HSPA4: variants seen among roughly 807,000 people sequenced by gnomAD.
HSPA4 encodes the protein heat shock protein family A (Hsp70) member 4, also known as heat shock 70 kDa protein 4.
In HSPA4, 25 loss-of-function variants were observed where a neutral mutation model predicts 106.2. The ratio of observed to expected loss-of-function variants is 0.24; its 90% CI spans 0.17 to 0.33. HSPA4 has a LOEUF of 0.33. Among genes scored for constraint, HSPA4 ranks in the 10% least tolerant of loss-of-function variants. HSPA4 has a pLI of 1.00. For missense variants in HSPA4, 841 were observed against 996.0 expected, an observed-to-expected ratio of 0.84 and a Z score of 2.10; for synonymous variants, 332 against 333.6, an observed-to-expected ratio of 1.00 and a Z score of 0.05.
intron 6 of HSPA4, chr5:133,076,147 A>G (rs1449631666): frequency 1.9e-5 from 3 of 153,978 alleles, no homozygotes; most frequent in Non-Finnish European, 4.3e-5. Flanking sequence ...ACCCAGGCTA[A>G]TTAGACTTCC....
chr5:133,070,906 G>GA (rs11285757), intron 4 of HSPA4, among the ~76,000 whole-genome samples: 9 of 150,514 alleles, frequency 6.0e-5, no homozygotes, highest in East Asian at 2.0e-4. Flanking sequence ...CTGTTTCAAA[G>GA]AAAAAAAAAA....
At position 133,052,292 on chromosome 5, in the gene HSPA4, C is replaced by T. The variant is rs769917308; in HGVS notation, c.42C>T (p.Tyr14=). 9 of 1,597,362 alleles carry T rather than the reference C, an allele frequency of 5.6e-6. No homozygotes were observed. In the Admixed American group the frequency reaches 8.5e-5, roughly 15 times the overall value. The change falls in exon 1 of 19, where the codon TAC becomes TAT. Residue 14 remains tyrosine, a synonymous_variant. Coordinates refer to ENST00000304858, the MANE Select transcript of HSPA4 (RefSeq NM_002154.4). ...TAGACCTGGGCTTCCAGAGCTGCTA[C>T]GTCGCTGTGGCCCGCGCCGGCGGCA... ...VGIDLGFQSC[Y]VAVARAGGIE... is the part of the protein sequence containing the mutation.
intron 1 of HSPA4, among the ~76,000 whole-genome samples, chr5:133,053,877 C>T (rs1449097922): frequency 6.6e-6 from 1 of 151,886 alleles, no homozygotes; most frequent in Non-Finnish European, 1.5e-5. Context: ...CCAGGCTGGT[C>T]TCGAACTCCT....
intron 7 of HSPA4, among the ~76,000 whole-genome samples, chr5:133,086,000 T>C (rs1765574124): frequency 6.6e-6 from 1 of 152,208 alleles, no homozygotes; most frequent in South Asian, 2.1e-4. Context: ...GGGATTCTTG[T>C]TATGTTCATT....
chr5:133,090,941 T>C, intron 11 of HSPA4: 1 of 497,438 alleles, frequency 2.0e-6, no homozygotes, highest in South Asian at 2.0e-5. Context: ...AATAAGAAAT[T>C]GGAAGAAAGG....
chr5:133,060,891 C>T (rs1222150028), intron 1 of HSPA4, among the ~76,000 whole-genome samples: 2 of 143,066 alleles, frequency 1.4e-5, no homozygotes, highest in African/African-American at 5.3e-5. Flanking sequence ...ATGATTTTAG[C>T]TCACTGCAAC....
intron 17 of HSPA4, among the ~76,000 whole-genome samples, chr5:133,103,128 C>A (rs901649370): frequency 1.3e-5 from 2 of 151,476 alleles, no homozygotes; most frequent in African/African-American, 4.9e-5. Context: ...GTGGTGTGAT[C>A]GTAGTTCACT....
chr5:133,055,644 A>G lies in HSPA4; in HGVS notation c.107+3287A>G, dbSNP rs116681163. On this transcript the variant is annotated intron_variant, in intron 1 of 18. Coordinates refer to ENST00000304858, the MANE Select transcript of HSPA4 (RefSeq NM_002154.4). ...CTGGAGGTACTGTGGTGAACAAATA[A>G]GGTCATGCCATTATGGACATGGCTG... Among the ~76,000 whole-genome samples, 588 of 152,292 alleles carry G rather than the reference A, an allele frequency of 3.9e-3. 3 individuals carry two copies. The highest frequency in any genetic ancestry group is 0.013 in the African/African-American group (559 of 41,560).
chr5:133,093,650 C>T (rs1390275118), intron 13 of HSPA4, among the ~76,000 whole-genome samples: 1 of 151,916 alleles, frequency 6.6e-6, no homozygotes, highest in East Asian at 2.0e-4. Context: ...ACCATCACGC[C>T]CGGATAATTT....
intron 2 of HSPA4, 89 bp from the exon 3 acceptor site, chr5:133,067,328 G>T: frequency 2.6e-6 from 3 of 1,160,194 alleles, no homozygotes; most frequent in Non-Finnish European, 2.5e-6. Flanking sequence ...TCTATATAAA[G>T]TTAAAATGTT....
In HSPA4 at chr5:133,088,482, G is replaced by A; in HGVS notation, c.1064G>A (p.Ser355Asn). The change falls in exon 9 of 19, where the codon AGC (serine) becomes AAC (asparagine). Residue 355 changes from serine to asparagine, a missense_variant. Transcript: ENST00000304858. ...TRIPAVKEKISKFFGKELSTT... is the reference protein window; with the variant it reads ...TRIPAVKEKINKFFGKELSTT... ...ATCCCTGCGGTAAAAGAGAAGATCA[G>A]CAAATTTTTCGGTAAAGAACTTAGT... is the stretch of plus-strand genomic sequence containing the variant. 1.2e-6 allele frequency: 2 copies of A among 1,613,664 alleles called. No homozygotes were observed. Among genetic ancestry groups the A allele is most frequent in the Non-Finnish European group, 1.7e-6 (2 of 1,179,574 alleles).
chr5:133,101,359 G>A (rs1765783136), intron 16 of HSPA4, among the ~76,000 whole-genome samples: 2 of 152,100 alleles, frequency 1.3e-5, no homozygotes, highest in Admixed American at 1.3e-4. Context: ...CACCTCCCTG[G>A]TGGTATTTAA....
At chr5:133,061,413 C>T (rs1226303439) in intron 1 of HSPA4, among the ~76,000 whole-genome samples, 1 of 141,912 alleles carries the variant, frequency 7.0e-6, no homozygotes, top group East Asian at 2.0e-4. Context: ...TGAGCCACCG[C>T]GCCCGGCCGT....
intron 2 of HSPA4, among the ~76,000 whole-genome samples, chr5:133,066,575 T>C (rs1765307870): frequency 6.6e-6 from 1 of 152,152 alleles, no homozygotes; most frequent in Non-Finnish European, 1.5e-5. Context: ...AATTTAAGCA[T>C]TTCCCTGTTA....
rs897837514 is a variant in HSPA4, at chr5:133,074,105, A to G, written c.642A>G (p.Ala214=). The change falls in exon 6 of 19, where the codon GCA becomes GCG. Residue 214 remains alanine (A), a synonymous_variant. Transcript: ENST00000304858. ...GHSAYQVSVC[A]FNRGKLKVLA... ...CTGCTTATCAAGTTTCTGTATGTGC[A>G]TTTAATAGAGGAAAACTGAAAGTAA... 5.6e-6 allele frequency: 9 copies of G among 1,595,922 alleles called. No homozygotes were observed. The highest frequency in any genetic ancestry group is 7.7e-6 in the Non-Finnish European group (9 of 1,173,272).
At chr5:133,072,849 A>C (rs1765402081) in intron 4 of HSPA4, among the ~76,000 whole-genome samples, 1 of 152,154 alleles carries the variant, frequency 6.6e-6, no homozygotes, top group South Asian at 2.1e-4. Context: ...AACCACTCTT[A>C]ATCATTTAGG....
At position 133,104,600 on chromosome 5, in the gene HSPA4, A is replaced by C. The variant is rs1296722572; in HGVS notation, c.*164A>C. The C allele has an allele frequency of 4.9e-6, 3 of 612,412 alleles. No individual in the cohort carries two copies. Among genetic ancestry groups the C allele is most frequent in the Non-Finnish European group, 8.6e-6 (3 of 347,970 alleles). The allele number at this position is 612,412 out of a possible 1,614,324, so 37.9% of individuals were successfully genotyped here. A position where few individuals can be genotyped will look rare whatever the true frequency, so the allele number is the denominator to read the frequency against. On this transcript the variant is annotated 3_prime_UTR_variant, in exon 19 of 19. Transcript: ENST00000304858. ...TAATGTATGGAGCATTTTCACTTCT[A>C]AATAGTTAGATACAGAAATTAAGTG...
intron 15 of HSPA4, among the ~76,000 whole-genome samples, chr5:133,097,606 T>C (rs905791266): frequency 3.3e-5 from 5 of 149,362 alleles, no homozygotes; most frequent in African/African-American, 9.9e-5. Context: ...TGGAGTGCAG[T>C]GGCGTGATCT....
At chr5:133,085,011 G>A (rs978773598) in intron 7 of HSPA4, among the ~76,000 whole-genome samples, 2 of 151,970 alleles carry the variant, frequency 1.3e-5, no homozygotes, top group African/African-American at 4.8e-5. Flanking sequence ...GTTTTGCTGT[G>A]TTGTCCAGGC....
Sources: gnomAD v4.1 joint callset for allele counts (sites outside exome capture counted in the v4.1 genomes callset) on GRCh38, gnomAD v4.1.1 for gene constraint, MANE v1.5 for transcripts, NCBI Gene and HGNC (gene_info 2026-07-23, HGNC 2026-07-21) for gene names.